Variants in ATP7B observed in about 807,000 individuals in gnomAD.
ATP7B encodes the protein ATPase copper transporting beta.
In ATP7B, 113 loss-of-function variants were observed where a neutral mutation model predicts 118.9. The observed-to-expected ratio is 0.95, with a 90% CI of 0.82 to 1.11. ATP7B has a LOEUF of 1.11. Among genes scored for constraint, ATP7B ranks in the 50% most tolerant of loss-of-function variants. The probability of loss-of-function intolerance (pLI) is 0.00; values close to 1 mark genes in which losing one functional copy is unlikely to be tolerated. For missense variants in ATP7B, 1,867 were observed against 1,871.4 expected, an observed-to-expected ratio of 1.00 and a Z score of 0.04; for synonymous variants, 777 against 727.4, an observed-to-expected ratio of 1.07 and a Z score of -1.10.
rs957725020 is a variant in ATP7B, at chr13:51,957,723, G to A, written c.2356-116C>T. 9.7e-5 allele frequency: 95 copies of A among 982,800 alleles called. No homozygotes were observed. The African/African-American group carries it at 1.1e-3, about 11-fold the overall frequency. 60.9% of individuals were successfully genotyped at this position (982,800 alleles called of 1,614,324 possible). A position where few individuals can be genotyped will look rare whatever the true frequency, so the allele number is the denominator to read the frequency against. ...GCTGGTGCGAGAGAAACAGCCGCAC[G>A]GCACGATAAAAGGCTCTGCAGGTGG... On this transcript the variant is annotated intron_variant, in intron 8 of 20. Coordinates refer to ENST00000242839, the MANE Select transcript of ATP7B (RefSeq NM_000053.4).
chr13:51,939,500 C>T (rs942805626), intron 16 of ATP7B, among the ~76,000 whole-genome samples: 3 of 152,188 alleles, frequency 2.0e-5, no homozygotes, highest in Admixed American at 6.5e-5. Context: ...TGACACTTTG[C>T]GAAGTGCCTG....
At chr13:51,939,741 C>G (rs2138704471) in intron 16 of ATP7B, among the ~76,000 whole-genome samples, 1 of 152,236 alleles carries the variant, frequency 6.6e-6, no homozygotes, top group East Asian at 1.9e-4. Context: ...GAGGGCACGA[C>G]TCCTTTAGTT....
intron 1 of ATP7B, among the ~76,000 whole-genome samples, chr13:52,007,799 T>C (rs758198563): frequency 2.6e-5 from 4 of 152,210 alleles, no homozygotes; most frequent in Non-Finnish European, 4.4e-5. Flanking sequence ...GGTAATTTGC[T>C]AGAACAGCTC....
chr13:51,945,999 A>G (rs1957625764), intron 13 of ATP7B, among the ~76,000 whole-genome samples: 5 of 152,106 alleles, frequency 3.3e-5, no homozygotes, highest in Admixed American at 3.3e-4. Flanking sequence ...AAGTTACCTA[A>G]TCTCCTCCTG....
At chr13:51,959,674 C>T (rs1448427318) in intron 7 of ATP7B, 1 of 194,836 alleles carries the variant, frequency 5.1e-6, no homozygotes, top group Non-Finnish European at 1.1e-5. Flanking sequence ...ACCACCAAAG[C>T]AGACGTTTCA....
Position 51,937,469 on chromosome 13 carries a change from C to G in ATP7B, c.3903+7G>C, listed in dbSNP as rs751397470. The G allele has an allele frequency of 3.1e-6, 5 of 1,613,968 alleles. No homozygotes were observed. The highest frequency in any genetic ancestry group is 3.4e-6 in the Non-Finnish European group (4 of 1,180,006). On this transcript the variant is annotated splice_region_variant and intron_variant, in intron 18 of 20. Coordinates refer to ENST00000242839, the MANE Select transcript of ATP7B (RefSeq NM_000053.4). ...AGCACCCACAGCCTGGCTGCAGCCACGCTCACTCTGATAAGGACGACGTCG... is the reference window on the plus strand; with the variant it reads ...AGCACCCACAGCCTGGCTGCAGCCAGGCTCACTCTGATAAGGACGACGTCG...
At chr13:51,969,187 C>T (rs147229055) in intron 3 of ATP7B, among the ~76,000 whole-genome samples, 2 of 150,720 alleles carry the variant, frequency 1.3e-5, no homozygotes, top group African/African-American at 4.9e-5. Flanking sequence ...AGTCTGACAA[C>T]CACTATTCTA....
rs1197279594 is a variant in ATP7B, at chr13:51,932,877, T to C, written c.*1879A>G. 1 of 152,182 alleles carries C rather than the reference T, an allele frequency of 6.6e-6. No individual in the cohort carries two copies. The highest frequency in any genetic ancestry group is 2.4e-5 in the African/African-American group (1 of 41,440). The allele number at this position is 152,182 out of a possible 1,614,324, so 9.4% of individuals were successfully genotyped here. ...AATCAACAGAATTAGATTCTTTAGA[T>C]AATGATCAGCCTAGTCAGAAAACAA... On this transcript the variant is annotated 3_prime_UTR_variant, in exon 21 of 21. Coordinates refer to ENST00000242839, the MANE Select transcript of ATP7B (RefSeq NM_000053.4).
chr13:51,981,272 A>T (rs1215743326), intron 1 of ATP7B, among the ~76,000 whole-genome samples: 4 of 152,230 alleles, frequency 2.6e-5, no homozygotes, highest in Non-Finnish European at 5.9e-5. Flanking sequence ...AATGAAAATA[A>T]ACAGCCATAC....
chr13:51,958,083 T>C lies in ATP7B; in HGVS notation c.2355+228A>G, dbSNP rs1270177035. On this transcript the variant is annotated intron_variant, in intron 8 of 20. Coordinates refer to ENST00000242839, the MANE Select transcript of ATP7B (RefSeq NM_000053.4). ...GGCCAGGTTTCTTTAGTTTACACAATACACCTGAATGATGGTTTTAATAAT... is the reference window on the plus strand; with the variant it reads ...GGCCAGGTTTCTTTAGTTTACACAACACACCTGAATGATGGTTTTAATAAT... 14 of 586,320 alleles carry C rather than the reference T, an allele frequency of 2.4e-5. No individual in the cohort carries two copies. Among genetic ancestry groups the C allele is most frequent in the Non-Finnish European group, 3.3e-5 (11 of 335,076 alleles). 36.3% of individuals were successfully genotyped at this position (586,320 alleles called of 1,614,324 possible). A position where few individuals can be genotyped will look rare whatever the true frequency, so the allele number is the denominator to read the frequency against.
intron 9 of ATP7B, among the ~76,000 whole-genome samples, chr13:51,957,208 C>T (rs893895216): frequency 6.6e-6 from 1 of 152,092 alleles, no homozygotes; most frequent in African/African-American, 2.4e-5. Flanking sequence ...CTAGGAAGGC[C>T]TAATTCATAC....
intron 12 of ATP7B, 100 bp from the exon 13 acceptor site, chr13:51,946,578 C>T (rs1353791115): frequency 1.2e-5 from 17 of 1,391,498 alleles, no homozygotes; most frequent in South Asian, 2.4e-5. Context: ...CTGGACACAA[C>T]GTGACGAACT....
rs146552750 is a variant in ATP7B, at chr13:51,945,125, G to A, written c.3061-834C>T. On this transcript the variant is annotated intron_variant, in intron 13 of 20. Transcript: ENST00000242839. ...AACTCATCTTCCTCCAGGGATTCTTGCCAGCTTTCAGCGCAACCTTAACAC... is the reference window on the plus strand; with the variant it reads ...AACTCATCTTCCTCCAGGGATTCTTACCAGCTTTCAGCGCAACCTTAACAC... Among the ~76,000 whole-genome samples the A allele has an allele frequency of 9.9e-5, 15 of 152,188 alleles. No homozygotes were observed. The East Asian group carries it at 2.7e-3, about 27-fold the overall frequency.
At chr13:51,988,170 G>A (rs1400617065) in intron 1 of ATP7B, among the ~76,000 whole-genome samples, 1 of 151,698 alleles carries the variant, frequency 6.6e-6, no homozygotes, top group African/African-American at 2.4e-5. Flanking sequence ...CTGACAAAGG[G>A]CTAATATCCA....
chr13:51,943,258 A>G (rs1957446196), intron 14 of ATP7B, among the ~76,000 whole-genome samples: 1 of 152,094 alleles, frequency 6.6e-6, no homozygotes, highest in Admixed American at 6.6e-5. Flanking sequence ...CCTCATCTCC[A>G]CTTGCTGCAG....
intron 1 of ATP7B, among the ~76,000 whole-genome samples, chr13:52,010,721 T>C (rs1455520342): frequency 6.6e-6 from 1 of 152,220 alleles, no homozygotes; most frequent in Non-Finnish European, 1.5e-5. Context: ...AACTCAACAC[T>C]GTGTGCCTGA....
intron 1 of ATP7B, among the ~76,000 whole-genome samples, chr13:51,982,978 C>T (rs1400136805): frequency 6.6e-6 from 1 of 152,204 alleles, no homozygotes; most frequent in Admixed American, 6.5e-5. Context: ...AAGCACAAAA[C>T]TGGACAGCCG....
At chr13:52,008,706 TCA>T (rs1953890862) in intron 1 of ATP7B, among the ~76,000 whole-genome samples, 2 of 152,324 alleles carry the variant, frequency 1.3e-5, no homozygotes, top group Non-Finnish European at 2.9e-5. Flanking sequence ...CGTAGGACTC[TCA>T]CACTTTATGG....
In ATP7B at chr13:51,934,935, C is replaced by A; in HGVS notation, c.4219G>T (p.Asp1407Tyr). The A allele has an allele frequency of 6.2e-7, 1 of 1,614,128 alleles. No individual in the cohort carries two copies. Among genetic ancestry groups the A allele is most frequent in the Non-Finnish European group, 8.5e-7 (1 of 1,180,038 alleles). ...CTGGGGGAGTCCCGCCACCTGTCAT[C>A]CATGCCTATGTGCACACTGACCTGG... ...ASQVSVHIGM[D>Y]DRWRDSPRAT... is the part of the protein sequence containing the mutation. The change falls in exon 21 of 21, where the codon GAT becomes TAT. Residue 1407 changes from aspartate to tyrosine, a missense_variant. Coordinates refer to ENST00000242839, the MANE Select transcript of ATP7B (RefSeq NM_000053.4).
Sources: allele counts gnomAD v4.1 joint callset (sites outside exome capture counted in the v4.1 genomes callset), GRCh38; gene constraint gnomAD v4.1.1; transcripts MANE v1.5; gene names NCBI Gene and HGNC (gene_info 2026-07-23, HGNC 2026-07-21).